CENATAC: variants seen among roughly 807,000 people sequenced by gnomAD.
CENATAC encodes coiled-coil domain containing 84.
CENATAC carries 53 observed loss-of-function variants against 53.7 expected under a neutral mutation model. That is an observed-to-expected ratio of 0.99 (90% CI 0.79 to 1.24). CENATAC has a LOEUF of 1.24. Among genes scored for constraint, CENATAC ranks in the 50% most tolerant of loss-of-function variants. CENATAC has a pLI of 0.00. For missense variants in CENATAC, 474 were observed against 417.8 expected (o/e 1.13, Z -1.17); for synonymous variants, 156 against 144.6 (o/e 1.08, Z -0.57).
intron 3 of CENATAC, among the ~76,000 whole-genome samples, chr11:119,007,340 C>T (rs1313448406): frequency 2.0e-5 from 3 of 152,154 alleles, no homozygotes; most frequent in African/African-American, 4.8e-5. Flanking sequence ...CGTGCCACCA[C>T]GCCCGGCTCA....
chr11:119,009,370 C>A (rs1040294540), intron 3 of CENATAC, among the ~76,000 whole-genome samples: 1 of 152,148 alleles, frequency 6.6e-6, no homozygotes, highest in Non-Finnish European at 1.5e-5. Flanking sequence ...CTTGATCCAC[C>A]CGTCTCGGCC....
At chr11:118,999,253 C>T (rs1226413144) in intron 3 of CENATAC, 144 bp downstream of exon 3, 2 of 598,670 alleles carry the variant, frequency 3.3e-6, no homozygotes, top group Non-Finnish European at 6.0e-6. Flanking sequence ...ATTCTAGGTA[C>T]TATATTGGAC....
rs370672849 is a variant in CENATAC at position 119,015,304 on chromosome 11, C to T, written c.806-3C>T. On this transcript the variant is annotated splice_region_variant and splice_polypyrimidine_tract_variant and intron_variant, in intron 9 of 10. Transcript: ENST00000334418. ...AAATAAAAGTTTCCCTATCATTGTA[C>T]AGAGGAAAAACAGAAGTTGAAAAAA... The T allele has an allele frequency of 2.0e-5, 32 of 1,608,614 alleles. No homozygotes were observed. Among genetic ancestry groups the T allele is most frequent in the Non-Finnish European group, 2.4e-5 (28 of 1,178,250 alleles).
At chr11:118,999,344 T>C (rs181391405) in intron 3 of CENATAC, 23 of 451,670 alleles carry the variant, frequency 5.1e-5, no homozygotes, top group East Asian at 1.4e-4. Context: ...TTGACTGTTA[T>C]CAACTACTTA....
intron 3 of CENATAC, chr11:119,003,429 C>T (rs891094941): frequency 4.1e-6 from 2 of 482,640 alleles, no homozygotes; most frequent in Non-Finnish European, 8.0e-6. Flanking sequence ...GAGCTTCCTT[C>T]TTAGCTTTTG....
intron 7 of CENATAC, 31 bp downstream of exon 7, chr11:119,012,285 C>T (rs782611424): frequency 6.2e-7 from 1 of 1,610,614 alleles, no homozygotes; most frequent in African/African-American, 1.3e-5. Context: ...AGAAGAGGGC[C>T]AATGGTCCCT....
Position 118,998,281 on chromosome 11 carries a change from G to A in CENATAC, c.84G>A (p.Arg28=). 1 of 1,601,932 alleles carries A rather than the reference G, an allele frequency of 6.2e-7. No individual in the cohort carries two copies. The highest frequency in any genetic ancestry group is 8.5e-7 in the Non-Finnish European group (1 of 1,174,530). Residue 28 remains arginine (R), a synonymous_variant, in exon 1 of 11, where the codon CGG becomes CGA. Transcript: ENST00000334418. ...ACGTTTACAGCCGCAAGCACCAGCG[G>A]CAGCTGAAGGAGGCTTTGGAGAGGC... is the stretch of plus-strand genomic sequence containing the variant. ...RGHVYSRKHQ[R]QLKEALERLL...
At chr11:119,011,520 C>G (rs991949910) in intron 5 of CENATAC, among the ~76,000 whole-genome samples, 1 of 152,140 alleles carries the variant, frequency 6.6e-6, no homozygotes, top group Non-Finnish European at 1.5e-5. Flanking sequence ...GCTGGGATTA[C>G]AGGTGCCGCC....
intron 8 of CENATAC, chr11:119,014,157 GAAC>G (rs1943019372): frequency 6.6e-6 from 1 of 152,232 alleles, no homozygotes; most frequent in East Asian, 1.9e-4. Flanking sequence ...CAAATCTTCA[GAAC>G]AGCTTCACTT....
chr11:119,008,137 T>C (rs548914376), intron 3 of CENATAC, among the ~76,000 whole-genome samples: 1 of 152,306 alleles, frequency 6.6e-6, no homozygotes, highest in South Asian at 2.1e-4. Context: ...CCTGTGGGTA[T>C]TTCTAGTCGG....
At chr11:119,013,721 C>A (rs1167646793) in intron 8 of CENATAC, among the ~76,000 whole-genome samples, 4 of 151,930 alleles carry the variant, frequency 2.6e-5, no homozygotes, top group Non-Finnish European at 5.9e-5. Context: ...CCTCGGCCTC[C>A]CAAAGTGCTG....
At chr11:119,005,116 G>GA (rs1942520114) in intron 3 of CENATAC, among the ~76,000 whole-genome samples, 1 of 151,800 alleles carries the variant, frequency 6.6e-6, no homozygotes, top group Non-Finnish European at 1.5e-5. Context: ...AGGGTGAAAA[G>GA]AAGAAAACAC....
chr11:119,003,171 A>T, intron 3 of CENATAC: 1 of 375,046 alleles, frequency 2.7e-6, no homozygotes. Flanking sequence ...CACAGTGAAC[A>T]CAAGTGCGTG....
chr11:119,011,626 G>T (rs375481629), intron 5 of CENATAC, among the ~76,000 whole-genome samples: 1 of 152,256 alleles, frequency 6.6e-6, no homozygotes, highest in African/African-American at 2.4e-5. Flanking sequence ...TGATCCACCC[G>T]CCTCAGCCTG....
At chr11:119,002,966 G>T in intron 3 of CENATAC, 3 of 447,504 alleles carry the variant, frequency 6.7e-6, no homozygotes, top group African/African-American at 4.1e-5. Context: ...TTTTTTTAAT[G>T]GTGAAAAGAT....
Position 119,015,755 on chromosome 11 carries a change from G to A in CENATAC, c.*157G>A. 8.0e-7 allele frequency: 1 copy of A among 1,251,210 alleles called. No individual in the cohort carries two copies. Among genetic ancestry groups the A allele is most frequent in the Non-Finnish European group, 1.2e-6 (1 of 865,338 alleles). 77.5% of individuals were successfully genotyped at this position (1,251,210 alleles called of 1,614,324 possible). On this transcript the variant is annotated 3_prime_UTR_variant, in exon 11 of 11. Transcript: ENST00000334418. ...TATTTTTCCAAATGTACAGCTGGTT[G>A]GACCTGTAAAAAAAAATTAAAAGAA...
chr11:119,011,029 C>T (rs1034427418), intron 4 of CENATAC, among the ~76,000 whole-genome samples, 192 bp from the exon 5 acceptor site: 1 of 152,162 alleles, frequency 6.6e-6, no homozygotes, highest in Non-Finnish European at 1.5e-5. Context: ...TGTTTGTGCT[C>T]CTATGAGAAT....
intron 9 of CENATAC, 58 bp downstream of exon 9, chr11:119,015,141 C>CT (rs1943096182): frequency 6.6e-7 from 1 of 1,519,684 alleles, no homozygotes; most frequent in Admixed American, 1.8e-5. Flanking sequence ...AAATGGTTTC[C>CT]TTGCCTGTGT....
intron 7 of CENATAC, 149 bp downstream of exon 7, chr11:119,012,403 C>T (rs1942911321): frequency 5.0e-6 from 4 of 796,400 alleles, no homozygotes; most frequent in South Asian, 3.7e-5. Context: ...TGTTCTCAGA[C>T]CTCTTCTCAC....
Sources: allele counts gnomAD v4.1 joint callset (sites outside exome capture counted in the v4.1 genomes callset), GRCh38; gene constraint gnomAD v4.1.1; transcripts MANE v1.5; gene names NCBI Gene and HGNC (gene_info 2026-07-23, HGNC 2026-07-21).